Variants in CCNY observed in about 807,000 individuals in gnomAD.
CCNY encodes the protein cyclin Y.
In CCNY, 19 loss-of-function variants were observed where a neutral mutation model predicts 42.8. That is an observed-to-expected ratio of 0.44 (90% CI 0.31 to 0.65). The LOEUF is 0.65. Ranked by LOEUF, CCNY falls within the 30% of genes least tolerant of loss-of-function variation. CCNY has a pLI of 0.07. For synonymous variants in CCNY, 165 were observed against 162.7 expected, an observed-to-expected ratio of 1.01 and a Z score of -0.11; for missense variants, 370 against 437.3, an observed-to-expected ratio of 0.85 and a Z score of 1.37.
chr10:35,568,618 G>A (rs1040083091), intron 9 of CCNY, among the ~76,000 whole-genome samples: 1 of 152,196 alleles, frequency 6.6e-6, no homozygotes, highest in Admixed American at 6.5e-5. Context: ...GCCAGCGGCC[G>A]AGCTCTCCTC....
intron 3 of CCNY, among the ~76,000 whole-genome samples, chr10:35,289,015 T>A (rs1835383661): frequency 6.6e-6 from 1 of 152,212 alleles, no homozygotes; most frequent in Non-Finnish European, 1.5e-5. Context: ...TTGTACTGAA[T>A]CTTTACATTG....
chr10:35,519,049 G>C (rs1840488823), intron 4 of CCNY, among the ~76,000 whole-genome samples: 1 of 151,142 alleles, frequency 6.6e-6, no homozygotes, highest in Non-Finnish European at 1.5e-5. Context: ...TCTGGCTGAG[G>C]TATATTGTGA....
chr10:35,357,187 T>TGCCCCAGCCCCA (rs986021402), intron 1 of CCNY, among the ~76,000 whole-genome samples: 20 of 128,518 alleles, frequency 1.6e-4, no homozygotes, highest in Non-Finnish European at 2.8e-4. Flanking sequence ...CCCCTGCCCC[T>TGCCCCAGCCCCA]GCCCCAGCCC....
At chr10:35,263,094 C>A (rs560225059) in intron 3 of CCNY, among the ~76,000 whole-genome samples, 2 of 151,872 alleles carry the variant, frequency 1.3e-5, no homozygotes, top group Admixed American at 6.6e-5. Context: ...CGGTGGCTCA[C>A]GCCTGTAATA....
intron 2 of CCNY, among the ~76,000 whole-genome samples, chr10:35,485,752 A>AC (rs1839775293): frequency 1.3e-5 from 2 of 151,622 alleles, no homozygotes; most frequent in African/African-American, 4.9e-5. Flanking sequence ...AAAAAAAAAA[A>AC]CACGTAGATT....
At chr10:35,291,957 T>C (rs144653873) in intron 3 of CCNY, among the ~76,000 whole-genome samples, 1 of 152,348 alleles carries the variant, frequency 6.6e-6, no homozygotes, top group African/African-American at 2.4e-5. Flanking sequence ...ACCAAACTGC[T>C]TTCCAAAGAG....
chr10:35,424,751 G>T (rs1564405855), intron 1 of CCNY, among the ~76,000 whole-genome samples: 1 of 152,178 alleles, frequency 6.6e-6, no homozygotes, highest in Non-Finnish European at 1.5e-5. Context: ...GTGTTCCCAA[G>T]TGTGCCTGGC....
intron 8 of CCNY, among the ~76,000 whole-genome samples, chr10:35,557,646 C>T (rs1335971731): frequency 6.6e-6 from 1 of 152,164 alleles, no homozygotes; most frequent in Non-Finnish European, 1.5e-5. Flanking sequence ...GTCCCAGCTA[C>T]TCAGGAGGCT....
At chr10:35,534,402 C>T (rs968301434) in intron 7 of CCNY, among the ~76,000 whole-genome samples, 2 of 152,060 alleles carry the variant, frequency 1.3e-5, no homozygotes, top group African/African-American at 4.8e-5. Context: ...TTGAGCATTC[C>T]GTGTGAGGTT....
At chr10:35,398,225 T>C (rs1219969349) in intron 1 of CCNY, among the ~76,000 whole-genome samples, 1 of 152,188 alleles carries the variant, frequency 6.6e-6, no homozygotes, top group Non-Finnish European at 1.5e-5. Flanking sequence ...GAGCTGGCCC[T>C]CCATTCTCTG....
chr10:35,337,489 G>A (rs1215265674), intron 1 of CCNY, among the ~76,000 whole-genome samples: 1 of 152,096 alleles, frequency 6.6e-6, no homozygotes. Context: ...GGTGACAGGA[G>A]CCGGCCCTCG....
intron 1 of CCNY, among the ~76,000 whole-genome samples, chr10:35,373,269 G>A (rs1246027771): frequency 6.6e-6 from 1 of 152,082 alleles, no homozygotes; most frequent in East Asian, 1.9e-4. Flanking sequence ...GGGCTGTTAG[G>A]AGAATAAATG....
intron 1 of CCNY, among the ~76,000 whole-genome samples, chr10:35,435,785 G>A (rs1045046741): frequency 1.3e-5 from 2 of 152,184 alleles, no homozygotes; most frequent in African/African-American, 4.8e-5. Flanking sequence ...CTGGGCCTCA[G>A]GTTCTTCCTC....
At chr10:35,485,498 G>C (rs151247482) in intron 2 of CCNY, among the ~76,000 whole-genome samples, 1,684 of 152,318 alleles carry the variant, frequency 0.011, 18 homozygotes, top group Non-Finnish European at 0.014. Flanking sequence ...GGCCAAGGCG[G>C]GTGGATCACG....
intron 1 of CCNY, among the ~76,000 whole-genome samples, chr10:35,469,816 A>G (rs1350947308): frequency 1.3e-5 from 2 of 150,604 alleles, no homozygotes; most frequent in Non-Finnish European, 3.0e-5. Context: ...AGATGGAGAG[A>G]TAGGGAGATG....
chr10:35,280,275 T>A (rs949519955), intron 3 of CCNY, among the ~76,000 whole-genome samples: 5 of 150,934 alleles, frequency 3.3e-5, no homozygotes, highest in African/African-American at 7.3e-5. Context: ...TGCAGTGAGC[T>A]GAGATTGCAC....
At position 35,336,921 on chromosome 10, in the gene CCNY, C is replaced by T. The variant is rs1409385926; in HGVS notation, c.-133C>T. 5.2e-6 allele frequency: 2 copies of T among 382,962 alleles called. No individual in the cohort carries two copies. Among genetic ancestry groups the T allele is most frequent in the Non-Finnish European group, 3.6e-6 (1 of 280,390 alleles). The allele number at this position is 382,962 out of a possible 1,614,324, so 23.7% of individuals were successfully genotyped here. On this transcript the variant is annotated 5_prime_UTR_variant, in exon 1 of 10. Transcript: ENST00000374704. The stretch of plus-strand genomic sequence containing the variant: ...GCTGACCCGGCGGCCGGCCGCCGTT[C>T]CGCCCCCTCCCGTGGCGGCGAGCGG...
Position 35,566,049 on chromosome 10 carries a change from A to G in CCNY, c.773A>G (p.Glu258Gly), listed in dbSNP as rs1564460860. The G allele has an allele frequency of 6.2e-7, 1 of 1,613,900 alleles. No homozygotes were observed. Among genetic ancestry groups the G allele is most frequent in the Admixed American group, 1.7e-5 (1 of 59,946 alleles). The change falls in exon 9 of 10, where the codon GAA becomes GGA. Residue 258 changes from glutamate to glycine, a missense_variant. By Grantham distance (98) the Glu-to-Gly change is moderately conservative. Around this residue, in one of 2 missense-constraint regions of CCNY, gnomAD observed 234 missense variants for 313.1 expected, o/e 0.75. Transcript: ENST00000374704. ...AACGAGCTAGAGCGACAGTTTCTTG[A>G]ATTGCTGCAGTTCAACATCAATGTT... The part of the protein sequence containing the change: ...DMNELERQFL[E>G]LLQFNINVPS...
chr10:35,356,798 CT>C (rs1836560109), intron 1 of CCNY, among the ~76,000 whole-genome samples: 1 of 152,160 alleles, frequency 6.6e-6, no homozygotes, highest in Non-Finnish European at 1.5e-5. Context: ...ACTATTCTTT[CT>C]TATAATCCTC....
Sources: allele counts gnomAD v4.1 joint callset (sites outside exome capture counted in the v4.1 genomes callset), GRCh38; gene constraint gnomAD v4.1.1; regional missense constraint gnomAD v4.1.1; transcripts MANE v1.5; gene names NCBI Gene and HGNC (gene_info 2026-07-23, HGNC 2026-07-21).